ARRDC1: variants seen among roughly 807,000 people sequenced by gnomAD.
ARRDC1 encodes arrestin domain-containing protein 1.
Under a neutral mutation model 40.1 loss-of-function variants are expected in ARRDC1, and 37 were observed. That is an observed-to-expected ratio of 0.92 (90% CI 0.71 to 1.21). The LOEUF (loss-of-function observed/expected upper bound fraction) is 1.21, where lower values mean the gene tolerates loss of function less well. Ranked by LOEUF, ARRDC1 falls within the 50% of genes most tolerant of loss-of-function variation. The pLI is 0.00. For missense variants in ARRDC1, 641 were observed against 581.9 expected, an observed-to-expected ratio of 1.10 and a Z score of -1.04; for synonymous variants, 310 against 262.5, an observed-to-expected ratio of 1.18 and a Z score of -1.75.
rs761697329 is a variant in ARRDC1, at chr9:137,614,576, G to A, written c.813G>A (p.Pro271=). Residue 271 remains proline (P), a synonymous_variant, in exon 7 of 8, where the codon CCG becomes CCA. Coordinates refer to ENST00000371421, the MANE Select transcript of ARRDC1 (RefSeq NM_152285.4). ...DYYLQVSLKA[P]EATVTLPVFI... The stretch of plus-strand genomic sequence containing the variant: ...CTGTCCAGGTCTCTCTGAAGGCGCC[G>A]GAAGCTACTGTGACCCTCCCGGTCT... 30 of 1,612,906 alleles carry A rather than the reference G, an allele frequency of 1.9e-5. No homozygotes were observed. Among genetic ancestry groups the A allele is most frequent in the African/African-American group, 1.2e-4 (9 of 74,908 alleles).
rs1486988686 is a variant in ARRDC1, at chr9:137,614,870, G to A, written c.1107G>A (p.Pro369=). Residue 369 remains proline, a synonymous_variant, in exon 7 of 8, where the codon CCG becomes CCA. Transcript: ENST00000371421. ...CPQDGSPASH[P]LHPPLCISTG... is the part of the protein sequence containing the mutation. ...AGGATGGCAGCCCTGCCTCACACCC[G>A]CTGCACCCTCCCTTGTGCATTTCAA... 4.3e-6 allele frequency: 7 copies of A among 1,613,550 alleles called. No homozygotes were observed. The highest frequency in any genetic ancestry group is 1.7e-5 in the Admixed American group (1 of 60,008).
At chr9:137,608,474 C>T (rs2133328476) in intron 1 of ARRDC1, among the ~76,000 whole-genome samples, 1 of 152,360 alleles carries the variant, frequency 6.6e-6, no homozygotes, top group South Asian at 2.1e-4. Context: ...TTCCCTTCAG[C>T]GTGTTCTGCC....
Position 137,614,954 on chromosome 9 carries a change from C to G in ARRDC1, c.1191C>G (p.Ser397Arg), listed in dbSNP as rs779822289. The G allele has an allele frequency of 6.2e-7, 1 of 1,613,856 alleles. No individual in the cohort carries two copies. The highest frequency in any genetic ancestry group is 8.5e-7 in the Non-Finnish European group (1 of 1,179,954). The part of the protein sequence containing the change: ...EGSGGPVPTT[S>R]TLILPPEYSS... Reference sequence around the variant, plus strand: ...CCGGGGGGCCAGTGCCCACTACCAGCACCTTGATTCTTCCTCCAGAGTACA... The same window carrying G: ...CCGGGGGGCCAGTGCCCACTACCAGGACCTTGATTCTTCCTCCAGAGTACA... Residue 397 changes from serine to arginine, a missense_variant, in exon 7 of 8, where the codon AGC becomes AGG. Ser to Arg is a moderately radical substitution (Grantham distance 110). Coordinates refer to ENST00000371421, the MANE Select transcript of ARRDC1 (RefSeq NM_152285.4).
intron 5 of ARRDC1, 40 bp from the exon 6 acceptor site, chr9:137,614,259 C>T (rs1842609564): frequency 6.3e-7 from 1 of 1,576,704 alleles, no homozygotes; most frequent in Non-Finnish European, 8.6e-7. Flanking sequence ...CTGGGGTGGG[C>T]TGGCAGCCTG....
Position 137,615,135 on chromosome 9 carries a change from C to T in ARRDC1, c.1299C>T (p.Ser433=). 1 of 1,536,116 alleles carries T rather than the reference C, an allele frequency of 6.5e-7. No homozygotes were observed. The highest frequency in any genetic ancestry group is 8.8e-7 in the Non-Finnish European group (1 of 1,140,212). Residue 433 remains serine, a synonymous_variant, in exon 8 of 8, where the codon AGC becomes AGT. Coordinates refer to ENST00000371421, the MANE Select transcript of ARRDC1 (RefSeq NM_152285.4). ...GGVEPSLTPE[S] is the part of the protein sequence containing the mutation. ...TGGAACCCAGCCTGACCCCTGAGAG[C>T]TGACCCCGTGCTGCCTTCTCCAGGC...
rs1842588808 is a variant in ARRDC1, at chr9:137,613,701, G to T, written c.367G>T (p.Asp123Tyr). Reference sequence around the variant, plus strand: ...CATCCACACGCCACGGTTTTCCAAGGATCACAAGTGCAGCCTCGTGTTCTA... The same window carrying T: ...CATCCACACGCCACGGTTTTCCAAGTATCACAAGTGCAGCCTCGTGTTCTA... Reference protein sequence around the residue: ...AAIHTPRFSKDHKCSLVFYIL... With the variant: ...AAIHTPRFSKYHKCSLVFYIL... The change falls in exon 4 of 8, where the codon GAT becomes TAT. Residue 123 changes from aspartate (D) to tyrosine (Y), a missense_variant. Coordinates refer to ENST00000371421, the MANE Select transcript of ARRDC1 (RefSeq NM_152285.4). 14 of 1,614,082 alleles carry T rather than the reference G, an allele frequency of 8.7e-6. No individual in the cohort carries two copies. Among genetic ancestry groups the T allele is most frequent in the South Asian group, 5.5e-5 (5 of 91,090 alleles).
chr9:137,612,609 TAACCCAGCCATC>T, intron 1 of ARRDC1: 1 of 356,878 alleles, frequency 2.8e-6, no homozygotes, highest in South Asian at 2.9e-5. Flanking sequence ...ATCTGGGGGG[TAACCCAGCCATC>T]ATCTGGATGA....
chr9:137,607,559 T>C (rs905142389), intron 1 of ARRDC1, among the ~76,000 whole-genome samples: 10 of 152,224 alleles, frequency 6.6e-5, no homozygotes, highest in African/African-American at 2.4e-4. Context: ...GTTACTGGGA[T>C]GGGCGACCAG....
At chr9:137,610,725 A>G (rs1842500550) in intron 1 of ARRDC1, among the ~76,000 whole-genome samples, 4 of 152,030 alleles carry the variant, frequency 2.6e-5, no homozygotes, top group South Asian at 2.1e-4. Flanking sequence ...CACCATGCCC[A>G]GCTAATTTCG....
chr9:137,605,785 C>A lies in ARRDC1; in HGVS notation c.68C>A (p.Pro23Gln). The change falls in exon 1 of 8, where the codon CCG (proline) becomes CAG (glutamine). Residue 23 changes from proline (P) to glutamine (Q), a missense_variant. Physicochemically the swap from Pro to Gln is moderately conservative, Grantham distance 76. Transcript: ENST00000371421. ...CGCGTCGTCTACAGCCCCGGGGAGC[C>A]GTTGGCTGGGACCGTGCGCGTGCGC... Reference protein sequence around the residue: ...HGRVVYSPGEPLAGTVRVRLG... With the variant: ...HGRVVYSPGEQLAGTVRVRLG... The A allele has an allele frequency of 7.5e-7, 1 of 1,340,678 alleles. No individual in the cohort carries two copies. 83.0% of individuals were successfully genotyped at this position (1,340,678 alleles called of 1,614,324 possible). A position where few individuals can be genotyped will look rare whatever the true frequency, so the allele number is the denominator to read the frequency against.
rs925682593 is a variant in ARRDC1 at position 137,614,829 on chromosome 9, C to T, written c.1066C>T (p.Pro356Ser). The change falls in exon 7 of 8, where the codon CCG becomes TCG. Residue 356 changes from proline (P) to serine (S), a missense_variant. Pro to Ser is a moderately conservative substitution (Grantham distance 74). Transcript: ENST00000371421. ...LATLSSVPGA[P>S]EPCPQDGSPA... ...CACCTTGAGTTCTGTGCCTGGTGCG[C>T]CGGAGCCCTGCCCTCAGGATGGCAG... The T allele has an allele frequency of 2.5e-6, 4 of 1,613,184 alleles. No homozygotes were observed. The highest frequency in any genetic ancestry group is 3.4e-6 in the Non-Finnish European group (4 of 1,179,942).
At position 137,613,764 on chromosome 9, in the gene ARRDC1, A is replaced by T. The variant is rs770106063; in HGVS notation, c.430A>T (p.Ile144Phe). 1.2e-6 allele frequency: 2 copies of T among 1,614,094 alleles called. No homozygotes were observed. The highest frequency in any genetic ancestry group is 8.5e-7 in the Non-Finnish European group (1 of 1,180,004). ...CTTGAACCTGAACAGCATCCCAGAC[A>T]TTGAGGTGAGGATGGCACAGTGACC... is the stretch of plus-strand genomic sequence containing the variant. Reference protein sequence around the residue: ...SPLNLNSIPDIEQPNVASATK... With the variant: ...SPLNLNSIPDFEQPNVASATK... The change falls in exon 4 of 8, where the codon ATT becomes TTT. Residue 144 changes from isoleucine (I) to phenylalanine (F), a missense_variant. Transcript: ENST00000371421.
In ARRDC1 at chr9:137,615,060, C is replaced by A; in HGVS notation, c.1238-14C>A. ...CGCCAAGAGCCCCACGCAGACCCTG[C>A]TTTCTTCCCGCAGAGGCCCCACCGT... is the stretch of plus-strand genomic sequence containing the variant. On this transcript the variant is annotated splice_polypyrimidine_tract_variant and intron_variant, in intron 7 of 7. Transcript: ENST00000371421. 6.2e-7 allele frequency: 1 copy of A among 1,607,026 alleles called. No individual in the cohort carries two copies. Among genetic ancestry groups the A allele is most frequent in the Non-Finnish European group, 8.5e-7 (1 of 1,176,210 alleles).
intron 1 of ARRDC1, among the ~76,000 whole-genome samples, chr9:137,606,544 G>C (rs948197155): frequency 6.6e-6 from 1 of 152,260 alleles, no homozygotes; most frequent in Non-Finnish European, 1.5e-5. Flanking sequence ...CCCGCGCGTG[G>C]GTAACAGCAC....
chr9:137,614,097 C>T lies in ARRDC1; in HGVS notation c.501C>T (p.Val167=). 2 of 1,613,726 alleles carry T rather than the reference C, an allele frequency of 1.2e-6. No homozygotes were observed. Among genetic ancestry groups the T allele is most frequent in the East Asian group, 2.2e-5 (1 of 44,886 alleles). ...SYKLVKTGSV[V]LTASTDLRGY... is the part of the protein sequence containing the mutation. ...AGCTGGTGAAGACGGGCAGCGTGGT[C>T]CTCACAGCCAGCACTGATCTCCGCG... The change falls in exon 5 of 8, where the codon GTC becomes GTT. Residue 167 remains valine (V), a synonymous_variant. Transcript: ENST00000371421.
At chr9:137,613,811 CATGGAGGCTGGGGAAG>C in intron 4 of ARRDC1, 42 bp downstream of exon 4, 1 of 1,607,164 alleles carries the variant, frequency 6.2e-7, no homozygotes, top group Non-Finnish European at 8.5e-7. Context: ...TCCCCACCCT[CATGGAGGCTGGGGAAG>C]AGCTGGGCAG....
In ARRDC1 at chr9:137,609,094, G is replaced by A. The variant is rs79146742; in HGVS notation, c.118+3259G>A. ...GGTTAAATACCATGAGATTCTAAGC[G>A]GAATTCTGGGTCTCCTGGTATGCAC... On this transcript the variant is annotated intron_variant, in intron 1 of 7. Transcript: ENST00000371421. 4.5e-4 allele frequency among the ~76,000 whole-genome samples: 69 copies of A among 152,250 alleles called. 1 individual carries two copies. In the East Asian group the frequency reaches 0.012, roughly 27 times the overall value.
intron 7 of ARRDC1, 33 bp downstream of exon 7, chr9:137,615,033 G>C (rs1470581546): frequency 6.2e-7 from 1 of 1,612,146 alleles, no homozygotes; most frequent in South Asian, 1.1e-5. Context: ...GCAGGGAGGG[G>C]ACGCCAAGAG....
chr9:137,612,885 C>T lies in ARRDC1; in HGVS notation c.119-11C>T, dbSNP rs370696314. Reference sequence around the variant, plus strand: ...GGCTGGCTGGGGCTCATGCAGCCATCCCCTTTGCAGCCATCCGGGTGACCT... The same window carrying T: ...GGCTGGCTGGGGCTCATGCAGCCATTCCCTTTGCAGCCATCCGGGTGACCT... On this transcript the variant is annotated splice_polypyrimidine_tract_variant and intron_variant, in intron 1 of 7. Transcript: ENST00000371421. 8 of 1,607,746 alleles carry T rather than the reference C, an allele frequency of 5.0e-6. No individual in the cohort carries two copies. The African/African-American group carries it at 1.1e-4, about 21-fold the overall frequency.
Sources: gnomAD v4.1 joint callset for allele counts (sites outside exome capture counted in the v4.1 genomes callset) on GRCh38, gnomAD v4.1.1 for gene constraint, MANE v1.5 for transcripts, NCBI Gene and HGNC (gene_info 2026-07-23, HGNC 2026-07-21) for gene names.